EPB41L4A: variants seen among roughly 807,000 people sequenced by gnomAD.
The protein encoded by EPB41L4A is erythrocyte membrane protein band 4.1 like 4A.
A neutral mutation model predicts 108.6 loss-of-function variants in EPB41L4A; 100 were observed. That is an observed-to-expected ratio of 0.92 (90% CI 0.78 to 1.09). EPB41L4A has a LOEUF of 1.09. EPB41L4A is among the 50% of genes least tolerant of loss of function. EPB41L4A has a pLI of 0.00. For missense variants in EPB41L4A, 1,030 were observed against 842.7 expected, an observed-to-expected ratio of 1.22 and a Z score of -2.75; for synonymous variants, 319 against 289.0, an observed-to-expected ratio of 1.10 and a Z score of -1.05.
At chr5:112,181,284 T>G (rs1339542435) in intron 18 of EPB41L4A, among the ~76,000 whole-genome samples, 15 of 151,524 alleles carry the variant, frequency 9.9e-5, no homozygotes, top group Admixed American at 9.9e-4. Flanking sequence ...ACCCCGTCTC[T>G]ACTAAATATA....
intron 12 of EPB41L4A, among the ~76,000 whole-genome samples, chr5:112,223,737 G>A (rs929528580): frequency 6.6e-6 from 1 of 152,126 alleles, no homozygotes; most frequent in Non-Finnish European, 1.5e-5. Flanking sequence ...ACAACTCAAA[G>A]GCAGAGACAA....
Position 112,390,304 on chromosome 5 carries a change from G to A in EPB41L4A, c.99+28637C>T, listed in dbSNP as rs372182631. On this transcript the variant is annotated intron_variant, in intron 1 of 22. Coordinates refer to ENST00000261486, the MANE Select transcript of EPB41L4A (RefSeq NM_022140.5). The stretch of plus-strand genomic sequence containing the variant: ...TTCCCTTTCCTAGCCAAGGGAAGCC[G>A]TGACAGACTGTACCTGGAAAATGAG... 8.5e-5 allele frequency among the ~76,000 whole-genome samples: 13 copies of A among 152,324 alleles called. No individual in the cohort carries two copies. In the East Asian group the frequency reaches 9.7e-4, roughly 11 times the overall value.
intron 18 of EPB41L4A, among the ~76,000 whole-genome samples, chr5:112,177,181 G>A (rs1439438861): frequency 6.6e-6 from 1 of 152,132 alleles, no homozygotes; most frequent in Non-Finnish European, 1.5e-5. Context: ...AAATCAAGGT[G>A]TTGGCATGGC....
chr5:112,195,859 C>A, intron 15 of EPB41L4A, 151 bp from the exon 16 acceptor site: 1 of 660,174 alleles, frequency 1.5e-6, no homozygotes, highest in Non-Finnish European at 2.6e-6. Context: ...ATGCCTAACC[C>A]TACATACAAC....
chr5:112,257,034 C>T (rs1751146905), intron 9 of EPB41L4A: 1 of 152,160 alleles, frequency 6.6e-6, no homozygotes. Flanking sequence ...ACCAGACCAG[C>T]AAACCAGCAG....
At chr5:112,224,814 C>A (rs906869912) in intron 12 of EPB41L4A, among the ~76,000 whole-genome samples, 5 of 152,188 alleles carry the variant, frequency 3.3e-5, no homozygotes, top group Non-Finnish European at 5.9e-5. Context: ...TAATTCTGAT[C>A]TGTGCACTTG....
In EPB41L4A at chr5:112,418,956, C is replaced by CT. The variant is rs764593089; in HGVS notation, c.83dup (p.Gln29AlafsTer15). 1.9e-6 allele frequency: 3 copies of CT among 1,613,036 alleles called. No individual in the cohort carries two copies. The African/African-American group carries it at 4.0e-5, about 22-fold the overall frequency. ...CCGCACCCACCTTGATGCCCTGCTGCTGGGTGGTAAGGGTTAACTTGGATT... is the reference window on the plus strand; with the variant it reads ...CCGCACCCACCTTGATGCCCTGCTGCTTGGGTGGTAAGGGTTAACTTGGATT... On this transcript the variant is annotated frameshift_variant, in exon 1 of 23. Transcript: ENST00000261486. LOFTEE classifies it high-confidence loss of function.
intron 1 of EPB41L4A, among the ~76,000 whole-genome samples, chr5:112,413,035 A>G (rs1265873881): frequency 6.6e-6 from 1 of 152,170 alleles, no homozygotes; most frequent in Non-Finnish European, 1.5e-5. Flanking sequence ...AATAGCATAA[A>G]CCCCCACTGT....
intron 6 of EPB41L4A, 100 bp from the exon 7 acceptor site, chr5:112,262,681 T>C (rs975812492): frequency 1.3e-5 from 13 of 1,001,718 alleles, no homozygotes; most frequent in Non-Finnish European, 2.0e-5. Flanking sequence ...AAACAAATAA[T>C]ACTTTTTACT....
At chr5:112,241,864 G>C (rs1172488056) in intron 9 of EPB41L4A, among the ~76,000 whole-genome samples, 1 of 152,084 alleles carries the variant, frequency 6.6e-6, no homozygotes, top group Non-Finnish European at 1.5e-5. Flanking sequence ...ATATTTTTTG[G>C]CTTCCTAGAG....
intron 9 of EPB41L4A, chr5:112,257,364 G>C (rs971091403): frequency 6.6e-6 from 1 of 151,824 alleles, no homozygotes; most frequent in African/African-American, 2.4e-5. Flanking sequence ...CTGACATTGA[G>C]CTTAATGACC....
intron 15 of EPB41L4A, among the ~76,000 whole-genome samples, chr5:112,197,147 T>A (rs1214344105): frequency 6.6e-6 from 1 of 152,200 alleles, no homozygotes; most frequent in African/African-American, 2.4e-5. Flanking sequence ...TCTAGCAGAC[T>A]CTTTTTACAA....
intron 19 of EPB41L4A, 28 bp from the exon 20 acceptor site, chr5:112,170,397 A>C (rs780365269): frequency 3.2e-5 from 46 of 1,415,870 alleles, no homozygotes; most frequent in Non-Finnish European, 4.5e-5. Context: ...AGAAAATGAT[A>C]GTTGTGGTGC....
chr5:112,170,089 CA>C (rs1396864975), intron 20 of EPB41L4A: 2 of 545,870 alleles, frequency 3.7e-6, no homozygotes, highest in Non-Finnish European at 6.4e-6. Context: ...CTACCAAGTA[CA>C]AAGAGGTGGC....
chr5:112,339,501 TATATATATAG>T (rs1757147586), intron 1 of EPB41L4A, among the ~76,000 whole-genome samples: 2 of 45,622 alleles, frequency 4.4e-5, no homozygotes, highest in African/African-American at 1.6e-4. Flanking sequence ...TATATCTATA[TATATATATAG>T]ATATATAGAT....
At chr5:112,254,712 G>A (rs34819608) in intron 9 of EPB41L4A, among the ~76,000 whole-genome samples, 34,292 of 151,804 alleles carry the variant, frequency 0.23, 4,046 homozygotes, top group East Asian at 0.27. Flanking sequence ...CTTCCCAATC[G>A]ACTGGACCAA....
At chr5:112,379,873 A>C (rs12109843) in intron 1 of EPB41L4A, among the ~76,000 whole-genome samples, 10,948 of 152,234 alleles carry the variant, frequency 0.072, 1,359 homozygotes, top group African/African-American at 0.25. Context: ...ATGTAATCCT[A>C]TAAGACATAA....
chr5:112,328,230 A>G (rs1253249927), intron 1 of EPB41L4A, among the ~76,000 whole-genome samples: 1 of 151,954 alleles, frequency 6.6e-6, no homozygotes, highest in Non-Finnish European at 1.5e-5. Flanking sequence ...AATCACTTGA[A>G]CCCAGGGGGC....
intron 18 of EPB41L4A, among the ~76,000 whole-genome samples, chr5:112,173,872 G>T (rs1334935283): frequency 1.3e-5 from 2 of 151,988 alleles, no homozygotes; most frequent in African/African-American, 4.8e-5. Context: ...TCCATCTCTT[G>T]ACCTCATAAT....
Sources: allele counts gnomAD v4.1 joint callset (sites outside exome capture counted in the v4.1 genomes callset), GRCh38; gene constraint gnomAD v4.1.1; transcripts MANE v1.5; gene names NCBI Gene and HGNC (gene_info 2026-07-23, HGNC 2026-07-21).